The following PDE1A variants were observed in gnomAD, a reference collection of about 807,000 sequenced individuals.
PDE1A encodes phosphodiesterase 1A.
Under a neutral mutation model 61.7 loss-of-function variants are expected in PDE1A, and 35 were observed. The ratio of observed to expected loss-of-function variants is 0.57; its 90% CI spans 0.43 to 0.75. PDE1A has a LOEUF of 0.75. Ranked by LOEUF, PDE1A falls within the 30% of genes least tolerant of loss-of-function variation. The pLI, the probability that PDE1A is intolerant of heterozygous loss-of-function variation, is 0.00. For synonymous variants in PDE1A, 232 were observed against 213.2 expected (o/e 1.09, Z -0.77); for missense variants, 597 against 630.6 (o/e 0.95, Z 0.57).
chr2:182,591,970 C>T, the PDE1A span, among the ~76,000 whole-genome samples: 1 of 152,182 alleles, frequency 6.6e-6, no homozygotes, highest in Non-Finnish European at 1.5e-5. Context: ...GTAGCAGGTG[C>T]CTCTGAAGAG....
At chr2:182,211,805 T>G (rs1298733792) in intron 7 of PDE1A, among the ~76,000 whole-genome samples, 4 of 152,246 alleles carry the variant, frequency 2.6e-5, no homozygotes, top group African/African-American at 7.2e-5. Flanking sequence ...TACATTTGTT[T>G]ATTGCTGGCA....
chr2:182,639,077 C>A, the PDE1A span, among the ~76,000 whole-genome samples: 4 of 152,212 alleles, frequency 2.6e-5, no homozygotes, highest in Non-Finnish European at 5.9e-5. Context: ...GGAAAACTTA[C>A]CAAAAGAGGA....
At chr2:182,266,382 T>A (rs1023128547) in intron 1 of PDE1A, among the ~76,000 whole-genome samples, 6 of 152,182 alleles carry the variant, frequency 3.9e-5, no homozygotes, top group Non-Finnish European at 7.4e-5. Context: ...AACATTATTC[T>A]TAGTCAAACT....
intron 2 of PDE1A, among the ~76,000 whole-genome samples, chr2:182,247,632 G>A (rs181804900): frequency 2.7e-4 from 41 of 152,132 alleles, no homozygotes; most frequent in African/African-American, 8.7e-4. Context: ...ATCTGACCAC[G>A]CTAGACAGTG....
At chr2:182,446,991 C>G (rs1685182210) in intron 2 of PDE1A, among the ~76,000 whole-genome samples, 1 of 151,312 alleles carries the variant, frequency 6.6e-6, no homozygotes. Context: ...CATAGTAAAC[C>G]TGCACAAAAT....
intron 1 of PDE1A, among the ~76,000 whole-genome samples, chr2:182,378,141 CG>C (rs1191489487): frequency 6.6e-6 from 1 of 152,106 alleles, no homozygotes; most frequent in Non-Finnish European, 1.5e-5. Flanking sequence ...CCACCGTGCC[CG>C]GCCCAGACAT....
At chr2:182,415,514 C>A (rs1026963814) in intron 1 of PDE1A, among the ~76,000 whole-genome samples, 6 of 152,176 alleles carry the variant, frequency 3.9e-5, no homozygotes, top group South Asian at 2.1e-4. Flanking sequence ...GAAGTCATAT[C>A]CTTCAAGATC....
chr2:182,516,852 AGG>A, intron 2 of PDE1A, among the ~76,000 whole-genome samples: 1 of 49,594 alleles, frequency 2.0e-5, no homozygotes, highest in Non-Finnish European at 3.9e-5. Context: ...GGAGGGAGGG[AGG>A]GAGGGAGGGA....
At chr2:182,607,495 C>T in the PDE1A span, among the ~76,000 whole-genome samples, 1 of 152,118 alleles carries the variant, frequency 6.6e-6, no homozygotes, top group Non-Finnish European at 1.5e-5. Flanking sequence ...AAAATTCATG[C>T]AAACTCAAGG....
intron 2 of PDE1A, among the ~76,000 whole-genome samples, chr2:182,479,105 C>T (rs1322747894): frequency 1.3e-5 from 2 of 151,792 alleles, no homozygotes; most frequent in Non-Finnish European, 2.9e-5. Context: ...ATCTCAAATG[C>T]AAATATATGT....
intron 10 of PDE1A, among the ~76,000 whole-genome samples, chr2:182,193,265 C>T (rs943086412): frequency 3.3e-5 from 5 of 152,040 alleles, no homozygotes; most frequent in African/African-American, 7.2e-5. Context: ...GTATTACAGG[C>T]GTGAGCCACC....
intron 1 of PDE1A, among the ~76,000 whole-genome samples, chr2:182,290,192 CT>C: frequency 6.6e-6 from 1 of 152,124 alleles, no homozygotes; most frequent in Admixed American, 6.5e-5. Flanking sequence ...ATTCTATAGC[CT>C]TTTTTGTCCA....
At chr2:182,406,649 T>C (rs2125489317) in intron 1 of PDE1A, among the ~76,000 whole-genome samples, 1 of 152,184 alleles carries the variant, frequency 6.6e-6, no homozygotes, top group East Asian at 1.9e-4. Context: ...CTTTTTTATG[T>C]ATAAAAAATT....
intron 13 of PDE1A, among the ~76,000 whole-genome samples, chr2:182,182,084 C>A (rs918269188): frequency 1.3e-5 from 2 of 152,090 alleles, no homozygotes; most frequent in Non-Finnish European, 2.9e-5. Context: ...GTCTTTGATG[C>A]ATATGCACAA....
At chr2:182,341,122 C>T (rs1698154645) in intron 1 of PDE1A, among the ~76,000 whole-genome samples, 1 of 152,122 alleles carries the variant, frequency 6.6e-6, no homozygotes, top group African/African-American at 2.4e-5. Context: ...CTTCAAAGTA[C>T]TCTTATAAAC....
exon 3 of PDE1A, chr2:182,240,139 A>G (rs1460528393): frequency 1.9e-6 from 3 of 1,614,012 alleles, no homozygotes. Context: ...CTTGAACAGC[A>G]TGCACAATGC....
intron 1 of PDE1A, among the ~76,000 whole-genome samples, chr2:182,420,205 T>C (rs576819388): frequency 6.6e-6 from 1 of 152,182 alleles, no homozygotes; most frequent in South Asian, 2.1e-4. Flanking sequence ...TTTTTCTGTT[T>C]TCTGTTTTGT....
the PDE1A span, among the ~76,000 whole-genome samples, chr2:182,635,835 G>A: frequency 7.2e-5 from 11 of 151,730 alleles, no homozygotes; most frequent in African/African-American, 2.7e-4. Flanking sequence ...GTATAAGGAG[G>A]TAAATTTTGA....
chr2:182,577,384 A>C, the PDE1A span, among the ~76,000 whole-genome samples: 1 of 152,320 alleles, frequency 6.6e-6, no homozygotes, highest in East Asian at 1.9e-4. Flanking sequence ...CAGTTCTACA[A>C]ATATAGAGTC....
Sources: allele counts gnomAD v4.1 joint callset (sites outside exome capture counted in the v4.1 genomes callset), GRCh38; gene constraint gnomAD v4.1.1; transcripts MANE v1.5; gene names NCBI Gene and HGNC (gene_info 2026-07-23, HGNC 2026-07-21).